CEP120: variants seen among roughly 807,000 people sequenced by gnomAD.
CEP120 encodes centrosomal protein of 120 kDa.
A neutral mutation model predicts 126.5 loss-of-function variants in CEP120; 113 were observed. That is an observed-to-expected ratio of 0.89 (90% CI 0.77 to 1.04). The LOEUF (loss-of-function observed/expected upper bound fraction) is 1.04. Ranked by LOEUF, CEP120 falls within the 50% of genes least tolerant of loss-of-function variation. The pLI is 0.00. For synonymous variants in CEP120, 400 were observed against 394.3 expected, an observed-to-expected ratio of 1.01 and a Z score of -0.17; for missense variants, 1,230 against 1,155.7, an observed-to-expected ratio of 1.06 and a Z score of -0.93.
In CEP120 at chr5:123,385,347, C is replaced by T. The variant is rs770611974; in HGVS notation, c.1581-214G>A. Reference sequence around the variant, plus strand: ...GATGAACCTCACATACAATGATGGTCCCATAAAATTATATCATATTTTTAC... The same window carrying T: ...GATGAACCTCACATACAATGATGGTTCCATAAAATTATATCATATTTTTAC... On this transcript the variant is annotated intron_variant, in intron 10 of 19. Transcript: ENST00000306467. Among the ~76,000 whole-genome samples, 145 of 152,120 alleles carry T rather than the reference C, an allele frequency of 9.5e-4. 2 individuals carry two copies. Among genetic ancestry groups the T allele is most frequent in the Non-Finnish European group, 2.8e-4 (19 of 68,022 alleles).
In CEP120 at chr5:123,377,444, A is replaced by G; in HGVS notation, c.2288T>C (p.Ile763Thr). The change falls in exon 16 of 20, where the codon ATT (isoleucine) becomes ACT (threonine). Residue 763 changes from isoleucine to threonine, a missense_variant. Physicochemically the swap from Ile to Thr is moderately conservative, Grantham distance 89. Coordinates refer to ENST00000306467, the MANE Select transcript of CEP120 (RefSeq NM_001375405.1). Reference protein sequence around the residue: ...DSIRRAKEDCIHQVELERLKI... With the variant: ...DSIRRAKEDCTHQVELERLKI... ...TAACCTTTCTAGTTCTACTTGGTGA[A>G]TACAGTCCTCTTTGGCCCTACGGAT... 2 of 1,612,082 alleles carry G rather than the reference A, an allele frequency of 1.2e-6. No individual in the cohort carries two copies. Among genetic ancestry groups the G allele is most frequent in the East Asian group, 4.5e-5 (2 of 44,800 alleles).
intron 16 of CEP120, 76 bp from the exon 17 acceptor site, chr5:123,372,848 G>T (rs2127021997): frequency 2.4e-6 from 3 of 1,253,102 alleles, no homozygotes; most frequent in Non-Finnish European, 2.2e-6. Context: ...ATTCAACAAG[G>T]TCTTTTTTTT....
chr5:123,347,759 C>T (rs1473439743), intron 19 of CEP120, among the ~76,000 whole-genome samples: 2 of 152,172 alleles, frequency 1.3e-5, no homozygotes, highest in African/African-American at 4.8e-5. Flanking sequence ...GATCTGCCCA[C>T]CTCAGCCTCT....
chr5:123,417,173 A>G (rs2127138246), intron 2 of CEP120, among the ~76,000 whole-genome samples: 1 of 152,272 alleles, frequency 6.6e-6, no homozygotes, highest in South Asian at 2.1e-4. Context: ...TCATAGCAGG[A>G]CTCCATTATA....
chr5:123,398,360 T>C (rs1205590669), intron 5 of CEP120, among the ~76,000 whole-genome samples: 1 of 151,992 alleles, frequency 6.6e-6, no homozygotes, highest in Non-Finnish European at 1.5e-5. Flanking sequence ...TCTTGCAGAG[T>C]ATGGCAAGAC....
intron 17 of CEP120, among the ~76,000 whole-genome samples, chr5:123,371,763 C>A (rs1770871859): frequency 6.6e-6 from 1 of 152,114 alleles, no homozygotes; most frequent in African/African-American, 2.4e-5. Context: ...ACCCACTGGT[C>A]TTCCGCTAGT....
intron 5 of CEP120, among the ~76,000 whole-genome samples, chr5:123,397,850 G>A (rs572718327): frequency 6.6e-6 from 1 of 152,338 alleles, no homozygotes; most frequent in South Asian, 2.1e-4. Context: ...TTGCGAGGCT[G>A]AGGTGGGATG....
In CEP120 at chr5:123,418,437, G is replaced by C. The variant is rs763956829; in HGVS notation, c.128C>G (p.Pro43Arg). The C allele has an allele frequency of 1.1e-5, 18 of 1,612,872 alleles. No individual in the cohort carries two copies. The highest frequency in any genetic ancestry group is 1.5e-5 in the Non-Finnish European group (18 of 1,179,188). Residue 43 changes from proline (P) to arginine (R), a missense_variant, in exon 2 of 20, where the codon CCT becomes CGT. Physicochemically the swap from Pro to Arg is moderately radical, Grantham distance 103. Coordinates refer to ENST00000306467, the MANE Select transcript of CEP120 (RefSeq NM_001375405.1). ...TTCTGGCTGGTCAGTGTGGTCCACA[G>C]GATCAGTAGCCAACTGTTCTCCATC... ...KFDGEQLATD[P>R]VDHTDQPEFA...
chr5:123,362,499 G>A (rs1228729625), intron 18 of CEP120, among the ~76,000 whole-genome samples: 2 of 151,704 alleles, frequency 1.3e-5, no homozygotes, highest in African/African-American at 4.8e-5. Context: ...TGGTGCAAAA[G>A]TAACTGCGGT....
intron 3 of CEP120, among the ~76,000 whole-genome samples, chr5:123,415,190 T>C (rs1447153318): frequency 6.6e-6 from 1 of 151,988 alleles, no homozygotes; most frequent in East Asian, 1.9e-4. Context: ...GGGAGGCTAT[T>C]ATGATAGCCA....
Position 123,346,335 on chromosome 5 carries a change from C to A in CEP120, c.*184G>T. ...ATATAAATGCAAATTACAAATAAAA[C>A]CAGTGTGGGAGAGGTAGCATAAAGT... On this transcript the variant is annotated 3_prime_UTR_variant, in exon 20 of 20. Coordinates refer to ENST00000306467, the MANE Select transcript of CEP120 (RefSeq NM_001375405.1). 1 of 453,966 alleles carries A rather than the reference C, an allele frequency of 2.2e-6. No individual in the cohort carries two copies. Among genetic ancestry groups the A allele is most frequent in the Non-Finnish European group, 3.8e-6 (1 of 259,836 alleles). 28.1% of individuals were successfully genotyped at this position (453,966 alleles called of 1,614,324 possible). A position where few individuals can be genotyped will look rare whatever the true frequency, so the allele number is the denominator to read the frequency against.
At chr5:123,394,741 A>T (rs1380214848) in intron 5 of CEP120, among the ~76,000 whole-genome samples, 1 of 152,254 alleles carries the variant, frequency 6.6e-6, no homozygotes, top group Non-Finnish European at 1.5e-5. Context: ...AAATGTATTC[A>T]TGTTTAAGTG....
intron 16 of CEP120, among the ~76,000 whole-genome samples, chr5:123,374,317 C>T (rs1406977907): frequency 1.3e-5 from 2 of 152,186 alleles, no homozygotes; most frequent in Non-Finnish European, 2.9e-5. Flanking sequence ...GGGGCAAAAA[C>T]TAACTTCAGA....
At chr5:123,422,687 G>C (rs1774797428) in intron 1 of CEP120, 1 of 806,244 alleles carries the variant, frequency 1.2e-6, no homozygotes, top group Non-Finnish European at 2.0e-6. Context: ...GTGCTGCTTT[G>C]GATGAAAATC....
intron 18 of CEP120, chr5:123,358,192 T>C (rs1238612696): frequency 1.3e-5 from 2 of 152,088 alleles, no homozygotes; most frequent in African/African-American, 4.8e-5. Context: ...ATATCTTATG[T>C]TACAAAATTA....
At chr5:123,404,584 G>T (rs1773520578) in intron 4 of CEP120, among the ~76,000 whole-genome samples, 1 of 152,150 alleles carries the variant, frequency 6.6e-6, no homozygotes, top group African/African-American at 2.4e-5. Flanking sequence ...AAGTTAAGAA[G>T]TACTGGTAAG....
At chr5:123,384,562 G>A (rs1267670276) in intron 11 of CEP120, among the ~76,000 whole-genome samples, 2 of 151,674 alleles carry the variant, frequency 1.3e-5, no homozygotes, top group African/African-American at 4.8e-5. Flanking sequence ...TATTTTAAGT[G>A]GAAAAACAGT....
intron 1 of CEP120, among the ~76,000 whole-genome samples, chr5:123,421,395 G>A (rs555072876): frequency 6.6e-6 from 1 of 152,208 alleles, no homozygotes; most frequent in Admixed American, 6.5e-5. Flanking sequence ...CTCTGTATTA[G>A]GAATATTAAC....
intron 17 of CEP120, among the ~76,000 whole-genome samples, chr5:123,370,449 AG>A (rs1397559739): frequency 6.6e-6 from 1 of 151,594 alleles, no homozygotes; most frequent in Non-Finnish European, 1.5e-5. Flanking sequence ...AAAACATGGA[AG>A]TCTATCACTC....
Sources: gnomAD v4.1 joint callset for allele counts (sites outside exome capture counted in the v4.1 genomes callset) on GRCh38, gnomAD v4.1.1 for gene constraint, MANE v1.5 for transcripts, NCBI Gene and HGNC (gene_info 2026-07-23, HGNC 2026-07-21) for gene names.